ZBTB45: variants seen among roughly 807,000 people sequenced by gnomAD.
ZBTB45 encodes the protein zinc finger and BTB domain containing 45.
A neutral mutation model predicts 28.4 loss-of-function variants in ZBTB45; 22 were observed. That is an observed-to-expected ratio of 0.77 (90% confidence interval 0.55 to 1.10). The LOEUF (loss-of-function observed/expected upper bound fraction) is 1.10, where lower values mean the gene tolerates loss of function less well. Ranked by LOEUF, ZBTB45 falls within the 50% of genes least tolerant of loss-of-function variation. The pLI is 0.00. For missense variants in ZBTB45, 656 were observed against 750.2 expected, an observed-to-expected ratio of 0.87 and a Z score of 1.47; for synonymous variants, 361 against 332.3, an observed-to-expected ratio of 1.09 and a Z score of -0.94.
rs1006457418 is a variant in ZBTB45, at chr19:58,519,748, C to T, written c.-7G>A. ...GATGCCCATTCGACCCCACCTCCGA[C>T]TCCTCTTCAGGCACCAGGCTCTGCC... On this transcript the variant is annotated 5_prime_UTR_variant, in exon 1 of 3. Transcript: ENST00000594051. 5.9e-5 allele frequency: 9 copies of T among 152,564 alleles called. No homozygotes were observed. The highest frequency in any genetic ancestry group is 5.9e-4 in the Admixed American group (9 of 15,290). 9.5% of individuals were successfully genotyped at this position (152,564 alleles called of 1,614,324 possible). A position where few individuals can be genotyped will look rare whatever the true frequency, so the allele number is the denominator to read the frequency against.
rs947281939 is a variant in ZBTB45 at position 58,515,080 on chromosome 19, T to A, written c.1280-770A>T. 6.6e-6 allele frequency among the ~76,000 whole-genome samples: 1 copy of A among 152,034 alleles called. No homozygotes were observed. The highest frequency in any genetic ancestry group is 1.5e-5 in the Non-Finnish European group (1 of 68,002). On this transcript the variant is annotated intron_variant, in intron 2 of 2. Transcript: ENST00000594051. This position sits in a 1 kb window ranked among gnomAD's most constrained non-coding sequence, Gnocchi z 4.7. The stretch of plus-strand genomic sequence containing the variant: ...TGGCTCACACCTGTAATCCCAGCAC[T>A]TTGGGAGGCCAAGGCAGGCAGATCG...
Position 58,514,298 on chromosome 19 carries a change from T to C in ZBTB45, c.1292A>G (p.His431Arg). Residue 431 changes from histidine to arginine, a missense_variant, in exon 3 of 3, where the codon CAC becomes CGC. Physicochemically the swap from His to Arg is conservative, Grantham distance 29. Around this residue, in one of 3 missense-constraint regions of ZBTB45, gnomAD observed 103 missense variants for 153.5 expected, o/e 0.67. Coordinates refer to ENST00000594051, the MANE Select transcript of ZBTB45 (RefSeq NM_001316979.2). ...HMFIHSGEKP[H>R]QCAVCWRSFS... ...GGATCGCCAGCACACGGCGCACTGG[T>C]GCGGCTTCTCCCCTGCGGAAGACAG... 6.2e-7 allele frequency: 1 copy of C among 1,603,264 alleles called. No homozygotes were observed. The highest frequency in any genetic ancestry group is 1.3e-5 in the African/African-American group (1 of 74,760).
At position 58,516,832 on chromosome 19, in the gene ZBTB45, T is replaced by C; in HGVS notation, c.842A>G (p.Asp281Gly). ...GGATACATAGCTGTCTGGAAATACGTCCTCAGCTGACCCAGCTCCCCGAAG... is the reference window on the plus strand; with the variant it reads ...GGATACATAGCTGTCTGGAAATACGCCCTCAGCTGACCCAGCTCCCCGAAG... ...DFLRGAGSAE[D>G]VFPDSYVSTW... is the part of the protein sequence containing the mutation. Residue 281 changes from aspartate to glycine, a missense_variant, in exon 2 of 3, where the codon GAC becomes GGC. This residue lies in a region of ZBTB45 where 448 missense variants were observed against 444.3 expected (regional missense o/e 1.01). Coordinates refer to ENST00000594051, the MANE Select transcript of ZBTB45 (RefSeq NM_001316979.2). This position sits in a 1 kb window ranked among gnomAD's most constrained non-coding sequence, Gnocchi z 6.2. 4.3e-6 allele frequency: 7 copies of C among 1,613,570 alleles called. No homozygotes were observed. The highest frequency in any genetic ancestry group is 5.9e-6 in the Non-Finnish European group (7 of 1,179,996).
rs766748535 is a variant in ZBTB45, at chr19:58,517,498, T to C, written c.176A>G (p.Gln59Arg). Residue 59 changes from glutamine to arginine, a missense_variant, in exon 2 of 3, where the codon CAA becomes CGA. Around this residue, in one of 3 missense-constraint regions of ZBTB45, gnomAD observed 105 missense variants for 152.4 expected, o/e 0.69. Transcript: ENST00000594051. The stretch of plus-strand genomic sequence containing the variant: ...AGAGTGGCCGAGCAGCAGCTTGTCT[T>C]GGAAGAAGGGTGAGCCGGCCGCCAG... ...CVLAAGSPFF[Q>R]DKLLLGHSEI... 1.2e-6 allele frequency: 2 copies of C among 1,613,178 alleles called. No individual in the cohort carries two copies. Among genetic ancestry groups the C allele is most frequent in the Non-Finnish European group, 1.7e-6 (2 of 1,179,944 alleles).
upstream of ZBTB45, among the ~76,000 whole-genome samples, chr19:58,524,544 G>A (rs1383769402): frequency 6.6e-6 from 1 of 150,494 alleles, no homozygotes; most frequent in East Asian, 2.0e-4. Context: ...GAGAACACAG[G>A]TTTGACAAGC....
At chr19:58,538,161 C>T (rs2053670735) in intron 1 of ZBTB45, among the ~76,000 whole-genome samples, 1 of 152,056 alleles carries the variant, frequency 6.6e-6, no homozygotes, top group South Asian at 2.1e-4. Flanking sequence ...CTAAAGGACG[C>T]CCACACCTCG....
rs987514816 is a variant in ZBTB45, at chr19:58,516,217, G to A, written c.1279+178C>T. ...AGAAGCCAGTGCCTGCTGCTCCACA[G>A]AGTGGGGCTTTCCCCTCCCCCACAT... On this transcript the variant is annotated intron_variant, in intron 2 of 2. Transcript: ENST00000594051. The surrounding 1 kb of genome is among the most constrained non-coding windows in gnomAD (Gnocchi z 6.2). Among the ~76,000 whole-genome samples the A allele has an allele frequency of 6.6e-6, 1 of 152,164 alleles. No individual in the cohort carries two copies. Among genetic ancestry groups the A allele is most frequent in the Non-Finnish European group, 1.5e-5 (1 of 68,036 alleles).
At chr19:58,535,215 C>T (rs893512683) in intron 1 of ZBTB45, among the ~76,000 whole-genome samples, 1 of 151,740 alleles carries the variant, frequency 6.6e-6, no homozygotes, top group African/African-American at 2.4e-5. Flanking sequence ...ACCATGTTGG[C>T]CAGGATGGTC....
At chr19:58,521,278 A>C (rs1335362295), upstream of ZBTB45, among the ~76,000 whole-genome samples, 1 of 150,208 alleles carries the variant, frequency 6.7e-6, no homozygotes, top group Non-Finnish European at 1.5e-5. Context: ...GAGGCAGGAG[A>C]ATGGCGTGAA....
In ZBTB45 at chr19:58,516,488, G is replaced by A. The variant is rs202155228; in HGVS notation, c.1186C>T (p.Pro396Ser). ...TAPSGTPART[P>S]GAEPPTYECS... The stretch of plus-strand genomic sequence containing the variant: ...TCATACGTAGGTGGCTCAGCACCTG[G>A]GGTGCGAGCAGGGGTGCCTGAGGGG... The change falls in exon 2 of 3, where the codon CCA becomes TCA. Residue 396 changes from proline to serine, a missense_variant. Physicochemically the swap from Pro to Ser is moderately conservative, Grantham distance 74. Around this residue, in one of 3 missense-constraint regions of ZBTB45, gnomAD observed 448 missense variants for 444.3 expected, o/e 1.01. Coordinates refer to ENST00000594051, the MANE Select transcript of ZBTB45 (RefSeq NM_001316979.2). The surrounding 1 kb of genome is among the most constrained non-coding windows in gnomAD (Gnocchi z 6.2). 35 of 1,613,756 alleles carry A rather than the reference G, an allele frequency of 2.2e-5. No homozygotes were observed. In the Admixed American group the frequency reaches 2.8e-4, roughly 13 times the overall value.
chr19:58,514,863 G>A (rs2053470623), intron 2 of ZBTB45, among the ~76,000 whole-genome samples: 1 of 152,140 alleles, frequency 6.6e-6, no homozygotes, highest in Non-Finnish European at 1.5e-5. Flanking sequence ...CTTTCATAAG[G>A]AGGGACCTGG....
At chr19:58,518,234 A>G (rs895352568) in intron 1 of ZBTB45, among the ~76,000 whole-genome samples, 1 of 152,184 alleles carries the variant, frequency 6.6e-6, no homozygotes, top group Non-Finnish European at 1.5e-5. Flanking sequence ...GACCCTGTGC[A>G]TAGGCAGGAT....
intron 1 of ZBTB45, among the ~76,000 whole-genome samples, chr19:58,534,638 G>C (rs1015990791): frequency 6.9e-6 from 1 of 145,858 alleles, no homozygotes. Flanking sequence ...CTCACTGCAA[G>C]CTCCACCTCC....
At chr19:58,519,591 A>AT (rs2053560246) in intron 1 of ZBTB45, 151 bp downstream of exon 1, 2 of 151,918 alleles carry the variant, frequency 1.3e-5, no homozygotes, top group African/African-American at 4.8e-5. Flanking sequence ...CGCCGCTGCC[A>AT]CCCCGCACTC....
chr19:58,517,476 G>T lies in ZBTB45; in HGVS notation c.198C>A (p.His66Gln). ...PFFQDKLLLG[H>Q]SEIRVPPVVP... The stretch of plus-strand genomic sequence containing the variant: ...CCACCGGAGGCACACGGATCTCAGA[G>T]TGGCCGAGCAGCAGCTTGTCTTGGA... Residue 66 changes from histidine (H) to glutamine (Q), a missense_variant, in exon 2 of 3, where the codon CAC (histidine) becomes CAA (glutamine). Coordinates refer to ENST00000594051, the MANE Select transcript of ZBTB45 (RefSeq NM_001316979.2). The T allele has an allele frequency of 6.2e-7, 1 of 1,613,288 alleles. No homozygotes were observed. Among genetic ancestry groups the T allele is most frequent in the Non-Finnish European group, 8.5e-7 (1 of 1,180,000 alleles).
At chr19:58,526,681 G>A (rs912789847) in intron 1 of ZBTB45, among the ~76,000 whole-genome samples, 4 of 146,862 alleles carry the variant, frequency 2.7e-5, no homozygotes, top group South Asian at 2.2e-4. Flanking sequence ...ACAGGCGCCC[G>A]CCACTACGCC....
chr19:58,517,545 C>G lies in ZBTB45; in HGVS notation c.129G>C (p.Ser43=). ...CDVTVRIREA[S]LRAHRCVLAA... ...CCAGCACGCAGCGGTGGGCACGCAG[C>G]GAAGCTTCACGAATGCGCACAGTCA... Residue 43 remains serine, a synonymous_variant, in exon 2 of 3, where the codon TCG becomes TCC. Transcript: ENST00000594051. 1 of 1,613,630 alleles carries G rather than the reference C, an allele frequency of 6.2e-7. No individual in the cohort carries two copies. The highest frequency in any genetic ancestry group is 2.2e-5 in the East Asian group (1 of 44,872).
rs1568640261 is a variant in ZBTB45 at position 58,515,906 on chromosome 19, C to T, written c.1279+489G>A. ...CACTACCTATGTTTTCCTACTCATG[C>T]CCCAGTCTCAGGAGTTCCTGGGGCC... On this transcript the variant is annotated intron_variant, in intron 2 of 2. Transcript: ENST00000594051. The surrounding 1 kb of genome is among the most constrained non-coding windows in gnomAD (Gnocchi z 4.7). 6.6e-6 allele frequency among the ~76,000 whole-genome samples: 1 copy of T among 152,166 alleles called. No individual in the cohort carries two copies. Among genetic ancestry groups the T allele is most frequent in the Admixed American group, 6.5e-5 (1 of 15,282 alleles).
chr19:58,516,640 G>A lies in ZBTB45; in HGVS notation c.1034C>T (p.Pro345Leu), dbSNP rs368029266. ...HLGAPGPPAPPPSAPSGPAPA... is the reference protein window; with the variant it reads ...HLGAPGPPAPLPSAPSGPAPA... Reference sequence around the variant, plus strand: ...GGCTGGCCCCGATGGTGCTGAAGGGGGTGGTGCGGGTGGCCCAGGGGCACC... The same window carrying A: ...GGCTGGCCCCGATGGTGCTGAAGGGAGTGGTGCGGGTGGCCCAGGGGCACC... Residue 345 changes from proline (P) to leucine (L), a missense_variant, in exon 2 of 3, where the codon CCC (proline) becomes CTC (leucine). Coordinates refer to ENST00000594051, the MANE Select transcript of ZBTB45 (RefSeq NM_001316979.2). The surrounding 1 kb of genome is among the most constrained non-coding windows in gnomAD (Gnocchi z 6.2). The A allele has an allele frequency of 2.6e-4, 407 of 1,560,750 alleles. No homozygotes were observed. Among genetic ancestry groups the A allele is most frequent in the Non-Finnish European group, 3.5e-4 (399 of 1,153,444 alleles).
Sources: gnomAD v4.1 joint callset for allele counts (sites outside exome capture counted in the v4.1 genomes callset) on GRCh38, gnomAD v4.1.1 for gene constraint, gnomAD v4.1.1 regional missense constraint, Gnocchi (gnomAD v3.1) non-coding constraint, MANE v1.5 for transcripts, NCBI Gene and HGNC (gene_info 2026-07-23, HGNC 2026-07-21) for gene names.